The following SDSL variants were observed in gnomAD, a reference collection of about 807,000 sequenced individuals.
SDSL encodes serine dehydratase-like.
SDSL carries 26 observed loss-of-function variants against 27.6 expected under a neutral mutation model. That is an observed-to-expected ratio of 0.94 (90% CI 0.69 to 1.31). SDSL has a LOEUF of 1.31. SDSL is among the 50% of genes most tolerant of loss of function. The pLI is 0.00. For synonymous variants in SDSL, 196 were observed against 180.6 expected (o/e 1.09, Z -0.69); for missense variants, 431 against 423.5 (o/e 1.02, Z -0.16).
chr12:113,423,661 G>A (rs1286407433), intron 1 of SDSL, among the ~76,000 whole-genome samples: 2 of 152,170 alleles, frequency 1.3e-5, no homozygotes, highest in East Asian at 3.9e-4. Flanking sequence ...AGGATTGCTT[G>A]AGCCCGGGAC....
chr12:113,423,570 G>A (rs749050666), intron 1 of SDSL, among the ~76,000 whole-genome samples: 6 of 152,032 alleles, frequency 3.9e-5, no homozygotes, highest in Admixed American at 6.5e-5. Flanking sequence ...CAGCAAAACT[G>A]CATCTCTATA....
chr12:113,425,945 C>T (rs1565876677), intron 1 of SDSL: 1 of 369,156 alleles, frequency 2.7e-6, no homozygotes. Context: ...GCAGAGATTG[C>T]ACCACTGCAC....
chr12:113,437,982 C>A lies in SDSL; in HGVS notation c.893C>A (p.Pro298His). The change falls in exon 8 of 8, where the codon CCC (proline) becomes CAC (histidine). Residue 298 changes from proline (P) to histidine (H), a missense_variant. Transcript: ENST00000403593. ...LRRLQAEGCL[P>H]PSLTSVVVIV... The stretch of plus-strand genomic sequence containing the variant: ...AGGCTCCAGGCCGAGGGCTGCCTGC[C>A]CCCTTCCCTGACTTCAGTTGTGGTA... The A allele has an allele frequency of 6.2e-7, 1 of 1,614,132 alleles. No homozygotes were observed. Among genetic ancestry groups the A allele is most frequent in the Non-Finnish European group, 8.5e-7 (1 of 1,179,960 alleles).
intron 1 of SDSL, among the ~76,000 whole-genome samples, chr12:113,424,947 G>A (rs948505686): frequency 1.3e-5 from 2 of 151,908 alleles, no homozygotes; most frequent in African/African-American, 2.4e-5. Flanking sequence ...TGTTGGCCAC[G>A]CTGGTCTTGA....
chr12:113,434,214 C>A lies in SDSL; in HGVS notation c.435C>A (p.Pro145=). The change falls in exon 5 of 8, where the codon CCC becomes CCA. Residue 145 remains proline, a synonymous_variant. Transcript: ENST00000403593. Reference sequence around the variant, plus strand: ...AGAATGTCCCCCCGTTTGACCACCCCCTAATATGGTAAGGCTGACGCCCCT... The same window carrying A: ...AGAATGTCCCCCCGTTTGACCACCCACTAATATGGTAAGGCTGACGCCCCT... ...GWENVPPFDH[P]LIWKGHASLV... The A allele has an allele frequency of 6.2e-7, 1 of 1,612,608 alleles. No homozygotes were observed. The highest frequency in any genetic ancestry group is 8.5e-7 in the Non-Finnish European group (1 of 1,179,096).
At chr12:113,429,043 C>T (rs1409057578) in intron 3 of SDSL, 117 bp from the exon 4 acceptor site, 4 of 1,232,978 alleles carry the variant, frequency 3.2e-6, no homozygotes, top group Non-Finnish European at 4.5e-6. Context: ...AGGAAGGAGT[C>T]AATGGGGCAT....
intron 3 of SDSL, 59 bp from the exon 4 acceptor site, chr12:113,429,101 G>A: frequency 6.4e-7 from 1 of 1,567,924 alleles, no homozygotes; most frequent in Admixed American, 1.7e-5. Context: ...AGGGGGAGGG[G>A]AAGGCATATC....
intron 7 of SDSL, 34 bp downstream of exon 7, chr12:113,436,909 G>A (rs1565880969): frequency 1.3e-6 from 2 of 1,519,512 alleles, no homozygotes; most frequent in Non-Finnish European, 1.8e-6. Context: ...TGGGCTCAGA[G>A]ACCCACGAAG....
chr12:113,432,264 CTTTCTTTCTT>C (rs1555210069), intron 4 of SDSL, among the ~76,000 whole-genome samples: 2 of 133,110 alleles, frequency 1.5e-5, no homozygotes, highest in African/African-American at 6.2e-5. Context: ...TTCTTTCTTT[CTTTCTTTCTT>C]TCTTTCTTTC....
At chr12:113,430,750 T>C (rs1223158241) in intron 4 of SDSL, among the ~76,000 whole-genome samples, 1 of 152,046 alleles carries the variant, frequency 6.6e-6, no homozygotes, top group African/African-American at 2.4e-5. Flanking sequence ...CAAAGCCACA[T>C]GGCAAAAATA....
chr12:113,432,244 CTTTCTTTCTT>C (rs1489551920), intron 4 of SDSL, among the ~76,000 whole-genome samples: 11 of 137,570 alleles, frequency 8.0e-5, no homozygotes, highest in Non-Finnish European at 1.6e-4. Flanking sequence ...TTCTTTCTTT[CTTTCTTTCTT>C]TCTTTCTTTC....
intron 4 of SDSL, among the ~76,000 whole-genome samples, chr12:113,431,033 G>A (rs1957915551): frequency 6.6e-6 from 1 of 152,214 alleles, no homozygotes; most frequent in Admixed American, 6.5e-5. Flanking sequence ...TCCAGGACAG[G>A]CTCCCAACAA....
intron 1 of SDSL, chr12:113,427,266 A>C (rs975265823): frequency 3.9e-5 from 6 of 152,480 alleles, no homozygotes; most frequent in Admixed American, 2.6e-4. Flanking sequence ...GTGTACCATC[A>C]TGCCTGGCTA....
intron 6 of SDSL, among the ~76,000 whole-genome samples, chr12:113,435,859 G>C (rs939264445): frequency 1.3e-5 from 2 of 152,224 alleles, no homozygotes; most frequent in Non-Finnish European, 2.9e-5. Context: ...GCTCATGCTT[G>C]TAATCCCAGC....
intron 3 of SDSL, 133 bp downstream of exon 3, chr12:113,428,592 G>C: frequency 2.9e-6 from 2 of 700,816 alleles, no homozygotes; most frequent in Non-Finnish European, 4.8e-6. Context: ...GATGACTACT[G>C]TGTACATCCC....
rs145528460 is a variant in SDSL at position 113,436,876 on chromosome 12, G to A, written c.796+1G>A. 221 of 1,594,320 alleles carry A rather than the reference G, an allele frequency of 1.4e-4. No individual in the cohort carries two copies. In the African/African-American group the frequency reaches 2.5e-3, roughly 18 times the overall value. The stretch of plus-strand genomic sequence containing the variant: ...GTGAGCGCTGTGCAGCAGCTCCTGG[G>A]TGAGTGATCCCTGTCCTCCACCTGG... On this transcript the variant is annotated splice_donor_variant, in intron 7 of 7. Transcript: ENST00000403593. LOFTEE classifies it high-confidence loss of function.
Position 113,429,209 on chromosome 12 carries a change from T to C in SDSL, c.264T>C (p.Ile88=). The change falls in exon 4 of 8, where the codon ATT becomes ATC. Residue 88 remains isoleucine, a synonymous_variant. Transcript: ENST00000403593. ...CCTATGCTGCTAGGAAGCTGGGCAT[T>C]CCTGCCACCATCGTGCTCCCCGAGA... ...AAAYAARKLG[I]PATIVLPEST... is the part of the protein sequence containing the mutation. The C allele has an allele frequency of 6.2e-7, 1 of 1,613,902 alleles. No individual in the cohort carries two copies. Among genetic ancestry groups the C allele is most frequent in the Non-Finnish European group, 8.5e-7 (1 of 1,179,902 alleles).
chr12:113,432,800 A>T (rs1470986549), intron 4 of SDSL, among the ~76,000 whole-genome samples: 2 of 152,176 alleles, frequency 1.3e-5, no homozygotes, highest in South Asian at 2.1e-4. Context: ...TAAGTTAATT[A>T]TCTTAGAATA....
At chr12:113,433,642 G>C (rs1254939829) in intron 4 of SDSL, among the ~76,000 whole-genome samples, 1 of 152,234 alleles carries the variant, frequency 6.6e-6, no homozygotes, top group Admixed American at 6.5e-5. Flanking sequence ...CCCTGCTGTG[G>C]TTGCCTTGGG....
Sources: gnomAD v4.1 joint callset for allele counts (sites outside exome capture counted in the v4.1 genomes callset) on GRCh38, gnomAD v4.1.1 for gene constraint, MANE v1.5 for transcripts, NCBI Gene and HGNC (gene_info 2026-07-23, HGNC 2026-07-21) for gene names.